GMDS: variants seen among roughly 807,000 people sequenced by gnomAD.
GMDS encodes the protein GDP-mannose 4,6-dehydratase.
Under a neutral mutation model 49.9 loss-of-function variants are expected in GMDS, and 20 were observed. That is an observed-to-expected ratio of 0.40 (90% confidence interval 0.28 to 0.58). The LOEUF (loss-of-function observed/expected upper bound fraction) is 0.58, where lower values mean the gene tolerates loss of function less well. Among genes scored for constraint, GMDS ranks in the 20% least tolerant of loss-of-function variants. GMDS has a pLI of 0.42. For synonymous variants in GMDS, 177 were observed against 178.6 expected, an observed-to-expected ratio of 0.99 and a Z score of 0.07; for missense variants, 362 against 481.4, an observed-to-expected ratio of 0.75 and a Z score of 2.32.
chr6:1,636,834 G>A (rs1326174421), intron 9 of GMDS, among the ~76,000 whole-genome samples: 2 of 152,238 alleles, frequency 1.3e-5, no homozygotes, highest in African/African-American at 2.4e-5. Flanking sequence ...TGGGAATGGC[G>A]TGGAAGGCAG....
In GMDS at chr6:2,115,630, T is replaced by C. The variant is rs1287269769; in HGVS notation, c.345+141A>G. Reference sequence around the variant, plus strand: ...AAATCTATGAGTACTTCAATTAGGATTAATACTTAAACTAACACTGACAAT... The same window carrying C: ...AAATCTATGAGTACTTCAATTAGGACTAATACTTAAACTAACACTGACAAT... On this transcript the variant is annotated intron_variant, in intron 4 of 10. Transcript: ENST00000380815. 6 of 620,300 alleles carry C rather than the reference T, an allele frequency of 9.7e-6. No individual in the cohort carries two copies. The Admixed American group carries it at 1.6e-4, about 17-fold the overall frequency. 38.4% of individuals were successfully genotyped at this position (620,300 alleles called of 1,614,324 possible).
chr6:1,683,059 C>T (rs541497370), intron 9 of GMDS, among the ~76,000 whole-genome samples: 62 of 152,244 alleles, frequency 4.1e-4, no homozygotes, highest in Middle Eastern at 3.4e-3. Flanking sequence ...ATGCCGACGT[C>T]GACATCCTGT....
At chr6:1,793,106 CACTGCA>C (rs1308809821) in intron 7 of GMDS, among the ~76,000 whole-genome samples, 12 of 152,298 alleles carry the variant, frequency 7.9e-5, no homozygotes, top group Admixed American at 7.8e-4. Context: ...TATCTACACT[CACTGCA>C]ATAGTGATCT....
intron 1 of GMDS, among the ~76,000 whole-genome samples, chr6:2,186,313 A>G (rs1778777805): frequency 1.3e-5 from 2 of 152,334 alleles, no homozygotes; most frequent in Non-Finnish European, 1.5e-5. Flanking sequence ...ATGTTACTGT[A>G]ATCAGGGGAT....
chr6:1,859,307 A>G (rs1370224984), intron 7 of GMDS, among the ~76,000 whole-genome samples: 1 of 152,146 alleles, frequency 6.6e-6, no homozygotes, highest in Non-Finnish European at 1.5e-5. Context: ...TCTACAAACT[A>G]TTTACTAAAA....
At chr6:1,637,408 G>A (rs563130025) in intron 9 of GMDS, among the ~76,000 whole-genome samples, 29 of 152,332 alleles carry the variant, frequency 1.9e-4, no homozygotes, top group South Asian at 1.9e-3. Context: ...ACAAGGCCCC[G>A]AGGAAACTAC....
chr6:1,973,653 A>G (rs531187978), intron 4 of GMDS, among the ~76,000 whole-genome samples: 1 of 152,316 alleles, frequency 6.6e-6, no homozygotes, highest in South Asian at 2.1e-4. Context: ...CTTCATTATT[A>G]TAATATTATT....
intron 4 of GMDS, among the ~76,000 whole-genome samples, chr6:1,985,970 T>A (rs1765520514): frequency 6.6e-6 from 1 of 152,238 alleles, no homozygotes; most frequent in African/African-American, 2.4e-5. Flanking sequence ...AGAACCACTT[T>A]ATTTTTCCAC....
intron 8 of GMDS, among the ~76,000 whole-genome samples, chr6:1,730,575 T>C (rs558497722): frequency 6.6e-6 from 1 of 152,174 alleles, no homozygotes; most frequent in Admixed American, 6.5e-5. Flanking sequence ...ACAGGCTCAG[T>C]GAAGAGTGGG....
intron 9 of GMDS, among the ~76,000 whole-genome samples, chr6:1,686,109 T>C (rs759184101): frequency 1.3e-5 from 2 of 152,188 alleles, no homozygotes; most frequent in African/African-American, 2.4e-5. Context: ...AAGCGAAGTC[T>C]GTAGCCCTCA....
chr6:2,049,422 T>G (rs2127435296), intron 4 of GMDS, among the ~76,000 whole-genome samples: 1 of 152,308 alleles, frequency 6.6e-6, no homozygotes, highest in Non-Finnish European at 1.5e-5. Flanking sequence ...TCAGAAAGAT[T>G]TTTATAATTA....
intron 1 of GMDS, among the ~76,000 whole-genome samples, chr6:2,231,597 C>T (rs763297300): frequency 6.6e-6 from 1 of 151,986 alleles, no homozygotes; most frequent in Admixed American, 6.5e-5. Flanking sequence ...GCTCAGCATG[C>T]CAAAGGAAGT....
intron 7 of GMDS, among the ~76,000 whole-genome samples, chr6:1,786,046 G>A (rs1051167545): frequency 1.3e-5 from 2 of 152,218 alleles, no homozygotes; most frequent in Admixed American, 1.3e-4. Flanking sequence ...AAAAATTCAC[G>A]TAAAACCAGC....
chr6:2,232,296 C>T (rs1178036918), intron 1 of GMDS, among the ~76,000 whole-genome samples: 4 of 152,280 alleles, frequency 2.6e-5, no homozygotes, highest in African/African-American at 7.2e-5. Flanking sequence ...GAGCTACTGA[C>T]ATTCAGGATT....
chr6:1,688,169 A>G (rs565637754), intron 9 of GMDS, among the ~76,000 whole-genome samples: 1 of 152,226 alleles, frequency 6.6e-6, no homozygotes, highest in African/African-American at 2.4e-5. Flanking sequence ...TCGCTGATGG[A>G]TAAGTTGTGG....
At chr6:1,987,981 A>G (rs989609800) in intron 4 of GMDS, among the ~76,000 whole-genome samples, 2 of 152,244 alleles carry the variant, frequency 1.3e-5, no homozygotes, top group East Asian at 1.9e-4. Context: ...CAGAACTGGG[A>G]TTAACACCAA....
At chr6:2,058,783 G>A (rs1399270650) in intron 4 of GMDS, among the ~76,000 whole-genome samples, 1 of 152,130 alleles carries the variant, frequency 6.6e-6, no homozygotes, top group Non-Finnish European at 1.5e-5. Flanking sequence ...CAGACCTTCC[G>A]ACCTCCGATC....
chr6:1,762,973 T>A (rs1171077175), intron 7 of GMDS, among the ~76,000 whole-genome samples: 1 of 152,206 alleles, frequency 6.6e-6, no homozygotes, highest in Admixed American at 6.5e-5. Context: ...AAGCTGGTAG[T>A]TTTAAAGTGC....
At chr6:2,055,075 C>T (rs150352735) in intron 4 of GMDS, among the ~76,000 whole-genome samples, 1 of 152,076 alleles carries the variant, frequency 6.6e-6, no homozygotes, top group African/African-American at 2.4e-5. Flanking sequence ...CATTGTTAAG[C>T]AGCAAATGGG....
Sources: allele counts gnomAD v4.1 joint callset (sites outside exome capture counted in the v4.1 genomes callset), GRCh38; gene constraint gnomAD v4.1.1; transcripts MANE v1.5; gene names NCBI Gene and HGNC (gene_info 2026-07-23, HGNC 2026-07-21).